RELN: variants seen among roughly 807,000 people sequenced by gnomAD.
RELN encodes reelin.
RELN carries 108 observed loss-of-function variants against 427.6 expected under a neutral mutation model. The ratio of observed to expected loss-of-function variants is 0.25; its 90% confidence interval spans 0.22 to 0.30. The LOEUF is 0.30. RELN is among the 10% of genes least tolerant of loss of function. The pLI is 1.00. For missense variants in RELN, 3,715 were observed against 4,302.8 expected (o/e 0.86, Z 3.82); for synonymous variants, 1,524 against 1,513.4 (o/e 1.01, Z -0.16).
chr7:103,609,693 A>T (rs933270524), intron 22 of RELN, among the ~76,000 whole-genome samples: 28 of 152,314 alleles, frequency 1.8e-4, no homozygotes, highest in African/African-American at 6.5e-4. Flanking sequence ...AAGGCATAAA[A>T]ATAACTCTAG....
chr7:103,624,947 C>T (rs908992960), intron 20 of RELN, among the ~76,000 whole-genome samples: 2 of 152,032 alleles, frequency 1.3e-5, no homozygotes, highest in African/African-American at 2.4e-5. Flanking sequence ...ATGAAAGTAC[C>T]CAAGAGGCCC....
intron 10 of RELN, among the ~76,000 whole-genome samples, chr7:103,687,155 G>A (rs1562956907): frequency 6.6e-6 from 1 of 152,238 alleles, no homozygotes; most frequent in East Asian, 1.9e-4. Flanking sequence ...CAATAATTAT[G>A]ACAACTCTAA....
chr7:103,506,782 C>G (rs151068573), intron 51 of RELN, among the ~76,000 whole-genome samples: 11 of 151,022 alleles, frequency 7.3e-5, no homozygotes, highest in African/African-American at 2.4e-4. Context: ...GATAAAGAGT[C>G]AAGACCCATC....
chr7:103,628,064 A>G (rs1235248822), intron 20 of RELN: 5 of 152,014 alleles, frequency 3.3e-5, no homozygotes, highest in Admixed American at 6.6e-5. Context: ...TTAGGAAAAA[A>G]CTCTTCTATA....
intron 4 of RELN, among the ~76,000 whole-genome samples, chr7:103,755,894 A>G (rs1052716536): frequency 1.3e-5 from 2 of 151,614 alleles, no homozygotes; most frequent in African/African-American, 2.4e-5. Flanking sequence ...CTCTGTATTC[A>G]TGTTATAAAG....
At chr7:103,497,124 T>C (rs1828866026) in intron 55 of RELN, among the ~76,000 whole-genome samples, 1 of 152,242 alleles carries the variant, frequency 6.6e-6, no homozygotes, top group Admixed American at 6.5e-5. Context: ...AAAATAGTTA[T>C]TGTAATTTTA....
chr7:103,930,171 T>C (rs1162717106), intron 1 of RELN, among the ~76,000 whole-genome samples: 1 of 152,148 alleles, frequency 6.6e-6, no homozygotes, highest in East Asian at 1.9e-4. Flanking sequence ...ACAGGTTTGC[T>C]TTTCCTGAAG....
Position 103,573,782 on chromosome 7 carries a change from G to A in RELN, c.4511+310C>T, listed in dbSNP as rs552425148. ...GGTTGGAAAAATCTTTGTTTCACAC[G>A]GCACATGCTAAGAATAATACCAAAT... On this transcript the variant is annotated intron_variant, in intron 30 of 64. Transcript: ENST00000428762. The surrounding 1 kb of genome is among the most constrained non-coding windows in gnomAD (Gnocchi z 4.4). 2.6e-5 allele frequency among the ~76,000 whole-genome samples: 4 copies of A among 152,190 alleles called. No individual in the cohort carries two copies. The highest frequency in any genetic ancestry group is 2.1e-4 in the South Asian group (1 of 4,820).
intron 60 of RELN, among the ~76,000 whole-genome samples, chr7:103,487,218 G>T (rs1828471765): frequency 6.6e-6 from 1 of 151,994 alleles, no homozygotes; most frequent in African/African-American, 2.4e-5. Flanking sequence ...TAGAACAGAT[G>T]GACACAGGCA....
At chr7:103,781,568 A>G (rs111650350) in intron 3 of RELN, among the ~76,000 whole-genome samples, 1,709 of 152,222 alleles carry the variant, frequency 0.011, 34 homozygotes, top group African/African-American at 0.039. Flanking sequence ...CAAGAGTACA[A>G]TACTATAGTC....
chr7:103,558,032 A>G lies in RELN; in HGVS notation c.5547T>C (p.Leu1849=), dbSNP rs766701326. 4.1e-5 allele frequency: 63 copies of G among 1,520,624 alleles called. No individual in the cohort carries two copies. In the South Asian group the frequency reaches 6.7e-4, roughly 16 times the overall value. The allele number at this position is 1,520,624 out of a possible 1,614,324, so 94.2% of individuals were successfully genotyped here. ...TTGTACAATCTAGATCTCTTGAAAT[A>G]AGCATCCTTAGTCCTTCCTGAAAAT... ...LIFKGEGLRM[L]ISRDLDCTNT... Residue 1849 remains leucine (L), a synonymous_variant, in exon 37 of 65, where the codon CTT becomes CTC. Coordinates refer to ENST00000428762, the MANE Select transcript of RELN (RefSeq NM_005045.4).
intron 28 of RELN, among the ~76,000 whole-genome samples, chr7:103,586,805 C>G (rs1279940354): frequency 6.6e-6 from 1 of 152,046 alleles, no homozygotes; most frequent in African/African-American, 2.4e-5. Context: ...AAAATAAGTA[C>G]TAGGAATACA....
chr7:103,781,838 A>G (rs1310425746), intron 3 of RELN, among the ~76,000 whole-genome samples: 1 of 152,062 alleles, frequency 6.6e-6, no homozygotes, highest in Non-Finnish European at 1.5e-5. Flanking sequence ...TTGTTATTTT[A>G]TGTAATTTAC....
intron 20 of RELN, among the ~76,000 whole-genome samples, chr7:103,618,245 C>T (rs546667519): frequency 3.3e-5 from 5 of 152,252 alleles, no homozygotes; most frequent in East Asian, 1.9e-4. Flanking sequence ...TGTAATTTTC[C>T]GTTTGTAACT....
intron 49 of RELN, among the ~76,000 whole-genome samples, chr7:103,516,374 C>T (rs555137111): frequency 7.2e-5 from 11 of 152,102 alleles, no homozygotes; most frequent in African/African-American, 2.4e-4. Flanking sequence ...CAACCTCCGC[C>T]TCCTGGGTGC....
At chr7:103,709,405 T>C (rs1789733521) in intron 8 of RELN, among the ~76,000 whole-genome samples, 1 of 152,258 alleles carries the variant, frequency 6.6e-6, no homozygotes, top group Non-Finnish European at 1.5e-5. Flanking sequence ...ACTGCTTTAA[T>C]ATTTCTTGTA....
At chr7:103,971,400 A>G (rs1175791237) in intron 1 of RELN, among the ~76,000 whole-genome samples, 1 of 152,218 alleles carries the variant, frequency 6.6e-6, no homozygotes, top group Non-Finnish European at 1.5e-5. Context: ...AATATGAAAA[A>G]GAGAAAACTT....
At chr7:103,727,273 A>G (rs1384079482) in intron 7 of RELN, among the ~76,000 whole-genome samples, 1 of 152,158 alleles carries the variant, frequency 6.6e-6, no homozygotes, top group African/African-American at 2.4e-5. Context: ...AAGATGTGGG[A>G]AATAAAAGAA....
chr7:103,675,852 T>C (rs1467065148), intron 11 of RELN, among the ~76,000 whole-genome samples: 3 of 152,194 alleles, frequency 2.0e-5, no homozygotes, highest in African/African-American at 7.2e-5. Context: ...AAGCTGAAAC[T>C]GGATCCCTTC....
Sources: allele counts gnomAD v4.1 joint callset (sites outside exome capture counted in the v4.1 genomes callset), GRCh38; gene constraint gnomAD v4.1.1; non-coding constraint Gnocchi (gnomAD v3.1); transcripts MANE v1.5; gene names NCBI Gene and HGNC (gene_info 2026-07-23, HGNC 2026-07-21).